The following DBR1 variants were observed in gnomAD, a reference collection of about 807,000 sequenced individuals.
DBR1 encodes debranching RNA lariats 1, also known as lariat debranching enzyme.
Under a neutral mutation model 45.9 loss-of-function variants are expected in DBR1, and 33 were observed. The ratio of observed to expected loss-of-function variants is 0.72; its 90% CI spans 0.55 to 0.96. The LOEUF (loss-of-function observed/expected upper bound fraction) is 0.96, where lower values mean the gene tolerates loss of function less well. Among genes scored for constraint, DBR1 ranks in the 40% least tolerant of loss-of-function variants. DBR1 has a pLI of 0.00. For synonymous variants in DBR1, 235 were observed against 235.9 expected, an observed-to-expected ratio of 1.00 and a Z score of 0.04; for missense variants, 619 against 667.4, an observed-to-expected ratio of 0.93 and a Z score of 0.80.
At chr3:138,166,579 A>T (rs565874025) in intron 5 of DBR1, among the ~76,000 whole-genome samples, 67 of 152,140 alleles carry the variant, frequency 4.4e-4, no homozygotes, top group African/African-American at 1.6e-3. Context: ...TGATTTCATC[A>T]CTCCCCAAAT....
At chr3:138,166,478 T>C (rs1437903494) in intron 5 of DBR1, among the ~76,000 whole-genome samples, 1 of 152,184 alleles carries the variant, frequency 6.6e-6, no homozygotes, top group African/African-American at 2.4e-5. Context: ...ACCTTTTCTT[T>C]TACATAAATA....
rs2107906912 is a variant in DBR1 at position 138,173,626 on chromosome 3, C to A, written c.198G>T (p.Arg66Ser). The A allele has an allele frequency of 6.2e-7, 1 of 1,611,928 alleles. No homozygotes were observed. ...PKYRHMQTFY[R>S]YYSGEKKAPV... is the part of the protein sequence containing the mutation. The stretch of plus-strand genomic sequence containing the variant: ...GAGCCTTTTTCTCTCCAGAGTAATA[C>A]CTAGAACATAAGAGCAAAGTCAGTT... Residue 66 changes from arginine to serine, a missense_variant and splice_region_variant, in exon 2 of 8, where the codon AGG (arginine) becomes AGT (serine). This residue lies in a region of DBR1 where 430 missense variants were observed against 447.7 expected (regional missense o/e 0.96). Coordinates refer to ENST00000260803, the MANE Select transcript of DBR1 (RefSeq NM_016216.4).
At position 138,174,728 on chromosome 3, in the gene DBR1, G is replaced by A. The variant is rs1327934510; in HGVS notation, c.68C>T (p.Ala23Val). 1.2e-6 allele frequency: 2 copies of A among 1,612,696 alleles called. No individual in the cohort carries two copies. The highest frequency in any genetic ancestry group is 1.7e-6 in the Non-Finnish European group (2 of 1,179,674). The change falls in exon 1 of 8, where the codon GCA (alanine) becomes GTA (valine). Residue 23 changes from alanine (A) to valine (V), a missense_variant. By Grantham distance (64) the Ala-to-Val change is moderately conservative. Coordinates refer to ENST00000260803, the MANE Select transcript of DBR1 (RefSeq NM_016216.4). Reference sequence around the variant, plus strand: ...GACAGGCCCCGGGCCGCGCCGCTCTGCCAGCGCCAGCGTCTCATAGATCTT... The same window carrying A: ...GACAGGCCCCGGGCCGCGCCGCTCTACCAGCGCCAGCGTCTCATAGATCTT... Reference protein sequence around the residue: ...LDKIYETLALAERRGPGPVDL... With the variant: ...LDKIYETLALVERRGPGPVDL...
intron 5 of DBR1, among the ~76,000 whole-genome samples, chr3:138,165,323 A>G (rs2042925195): frequency 6.6e-6 from 1 of 152,194 alleles, no homozygotes; most frequent in Non-Finnish European, 1.5e-5. Flanking sequence ...CAGAATACAT[A>G]CTGGTTTAAT....
At chr3:138,171,285 C>T in intron 3 of DBR1, 1 of 168,418 alleles carries the variant, frequency 5.9e-6, no homozygotes, top group Non-Finnish European at 1.3e-5. Flanking sequence ...CTAGCCTGAC[C>T]AACATGGTGA....
intron 1 of DBR1, 58 bp from the exon 2 acceptor site, chr3:138,173,684 G>T: frequency 2.8e-6 from 4 of 1,450,036 alleles, no homozygotes; most frequent in Admixed American, 2.3e-5. Context: ...AAGCAAATAA[G>T]TTCCGAAAAA....
intron 3 of DBR1, 131 bp downstream of exon 3, chr3:138,171,502 C>CAAAAAAAAAAAAAAAAAAAAAAAAAAAA (rs2042954743): frequency 3.2e-5 from 6 of 188,996 alleles, no homozygotes; most frequent in South Asian, 1.3e-4. Context: ...AAAAAAAAAG[C>CAAAAAAAAAAAAAAAAAAAAAAAAAAAA]AAAATACTAA....
intron 1 of DBR1, 113 bp downstream of exon 1, chr3:138,174,486 A>G (rs974061677): frequency 1.6e-5 from 18 of 1,122,432 alleles, no homozygotes; most frequent in Admixed American, 1.4e-4. Context: ...TTAGGCACCA[A>G]TTAGAGATAC....
chr3:138,173,668 G>C (rs1284441402), intron 1 of DBR1, 42 bp from the exon 2 acceptor site: 1 of 1,538,534 alleles, frequency 6.5e-7, no homozygotes, highest in East Asian at 2.3e-5. Flanking sequence ...ATTAGGCATA[G>C]CAGAAAAGCA....
chr3:138,174,813 G>A lies in DBR1; in HGVS notation c.-18C>T. 6.2e-7 allele frequency: 1 copy of A among 1,605,574 alleles called. No homozygotes were observed. Among genetic ancestry groups the A allele is most frequent in the South Asian group, 1.1e-5 (1 of 89,862 alleles). On this transcript the variant is annotated 5_prime_UTR_variant, in exon 1 of 8. Transcript: ENST00000260803. Reference sequence around the variant, plus strand: ...ACCCGCATTCTGCCGGCCTGAGGAGGTGAGCGCTGCCTGCAACGCCCTACA... The same window carrying A: ...ACCCGCATTCTGCCGGCCTGAGGAGATGAGCGCTGCCTGCAACGCCCTACA...
intron 3 of DBR1, 158 bp downstream of exon 3, chr3:138,171,475 C>CAAAAAAAA (rs906867666): frequency 3.7e-4 from 26 of 69,560 alleles, no homozygotes; most frequent in Admixed American, 1.1e-3. Flanking sequence ...AACTCTGTCT[C>CAAAAAAAA]AAAAAAAAAA....
Position 138,162,555 on chromosome 3 carries a change from A to G in DBR1, c.969T>C (p.Gly323=), listed in dbSNP as rs1256753816. The change falls in exon 8 of 8, where the codon GGT becomes GGC. Residue 323 remains glycine, a synonymous_variant. Coordinates refer to ENST00000260803, the MANE Select transcript of DBR1 (RefSeq NM_016216.4). ...ARWDYSATEE[G]MKEVLEKLNH... is the part of the protein sequence containing the mutation. Reference sequence around the variant, plus strand: ...TCAATTTTTCCAATACTTCTTTCATACCTTCTTCTGTTGCACTATAATCCC... The same window carrying G: ...TCAATTTTTCCAATACTTCTTTCATGCCTTCTTCTGTTGCACTATAATCCC... 1.2e-6 allele frequency: 2 copies of G among 1,611,836 alleles called. No homozygotes were observed. The highest frequency in any genetic ancestry group is 1.7e-6 in the Non-Finnish European group (2 of 1,177,968).
At chr3:138,171,598 G>T in intron 3 of DBR1, 35 bp downstream of exon 3, 1 of 1,473,118 alleles carries the variant, frequency 6.8e-7, no homozygotes. Context: ...GGGCATGCAA[G>T]TTCTAAAGTT....
Position 138,163,437 on chromosome 3 carries a change from A to C in DBR1, c.853T>G (p.Trp285Gly). The change falls in exon 7 of 8, where the codon TGG becomes GGG. Residue 285 changes from tryptophan to glycine, a missense_variant. By Grantham distance (184) the Trp-to-Gly change is radical (BLOSUM62 -2). Transcript: ENST00000260803. Reference protein sequence around the residue: ...APDYLEYDIEWLTILRATDDL... With the variant: ...APDYLEYDIEGLTILRATDDL... Reference sequence around the variant, plus strand: ...TCCGTAGCCCTGAGAATAGTGAGCCATTCAATATCATATTCCAAGTAATCA... The same window carrying C: ...TCCGTAGCCCTGAGAATAGTGAGCCCTTCAATATCATATTCCAAGTAATCA... 6.2e-7 allele frequency: 1 copy of C among 1,612,520 alleles called. No individual in the cohort carries two copies. Among genetic ancestry groups the C allele is most frequent in the Non-Finnish European group, 8.5e-7 (1 of 1,178,574 alleles).
At chr3:138,164,501 G>A (rs1444646443) in intron 5 of DBR1, among the ~76,000 whole-genome samples, 1 of 152,184 alleles carries the variant, frequency 6.6e-6, no homozygotes, top group East Asian at 1.9e-4. Flanking sequence ...TGGGGCTGAG[G>A]GCAGGAACAA....
intron 7 of DBR1, among the ~76,000 whole-genome samples, chr3:138,162,822 T>C (rs2042914166): frequency 6.6e-6 from 1 of 152,216 alleles, no homozygotes; most frequent in Admixed American, 6.5e-5. Context: ...CTTCACCATA[T>C]CATGGTTTTA....
At chr3:138,171,769 T>G (rs989959946) in intron 2 of DBR1, 56 bp from the exon 3 acceptor site, 1 of 1,223,358 alleles carries the variant, frequency 8.2e-7, no homozygotes, top group African/African-American at 1.5e-5. Context: ...CTACACCGAC[T>G]GAATAAACCA....
chr3:138,169,557 C>T (rs1479555028), intron 4 of DBR1, among the ~76,000 whole-genome samples: 6 of 152,018 alleles, frequency 3.9e-5, no homozygotes, highest in Admixed American at 6.6e-5. Context: ...AATAGGTATT[C>T]TTTAGCCTTA....
intron 1 of DBR1, among the ~76,000 whole-genome samples, chr3:138,173,889 T>A (rs2042966508): frequency 6.6e-6 from 1 of 151,686 alleles, no homozygotes; most frequent in Non-Finnish European, 1.5e-5. Context: ...ATGCAAAAAT[T>A]AGCTGGGTGT....
Sources: allele counts gnomAD v4.1 joint callset (sites outside exome capture counted in the v4.1 genomes callset), GRCh38; gene constraint gnomAD v4.1.1; regional missense constraint gnomAD v4.1.1; transcripts MANE v1.5; gene names NCBI Gene and HGNC (gene_info 2026-07-23, HGNC 2026-07-21).